RAB11FIP1: variants seen among roughly 807,000 people sequenced by gnomAD.
RAB11FIP1 encodes the protein rab11 family-interacting protein 1.
A neutral mutation model predicts 83.1 loss-of-function variants in RAB11FIP1; 49 were observed. The ratio of observed to expected loss-of-function variants is 0.59; its 90% CI spans 0.47 to 0.75. RAB11FIP1 has a LOEUF of 0.75. RAB11FIP1 is among the 30% of genes least tolerant of loss of function. The pLI is 0.00. For missense variants in RAB11FIP1, 1,536 were observed against 1,598.7 expected, an observed-to-expected ratio of 0.96 and a Z score of 0.67; for synonymous variants, 670 against 656.0, an observed-to-expected ratio of 1.02 and a Z score of -0.33.
At chr8:37,876,741 A>G (rs982509967) in intron 2 of RAB11FIP1, among the ~76,000 whole-genome samples, 1 of 151,686 alleles carries the variant, frequency 6.6e-6, no homozygotes, top group Non-Finnish European at 1.5e-5. Context: ...CCTGAGCTCA[A>G]GCAATCCTCC....
At chr8:37,881,796 A>T (rs2130171700) in intron 1 of RAB11FIP1, among the ~76,000 whole-genome samples, 1 of 152,258 alleles carries the variant, frequency 6.6e-6, no homozygotes, top group East Asian at 1.9e-4. Flanking sequence ...TCCTGGGCTC[A>T]AGTGGAAAAT....
chr8:37,890,500 A>T (rs1450066700), intron 1 of RAB11FIP1, among the ~76,000 whole-genome samples: 3 of 152,202 alleles, frequency 2.0e-5, no homozygotes, highest in African/African-American at 7.2e-5. Flanking sequence ...AACACCCTGG[A>T]GACTAAAGCC....
chr8:37,897,002 C>T (rs1236432834), intron 1 of RAB11FIP1, among the ~76,000 whole-genome samples: 1 of 152,074 alleles, frequency 6.6e-6, no homozygotes, highest in Non-Finnish European at 1.5e-5. Flanking sequence ...CAACGGATGG[C>T]CAACAGCACC....
chr8:37,881,760 G>A (rs946544412), intron 1 of RAB11FIP1, among the ~76,000 whole-genome samples: 5 of 151,928 alleles, frequency 3.3e-5, no homozygotes, highest in East Asian at 3.9e-4. Flanking sequence ...GCAGTGGTGC[G>A]ATCATAGCTC....
intron 1 of RAB11FIP1, among the ~76,000 whole-genome samples, chr8:37,887,643 G>A (rs1354536195): frequency 6.6e-6 from 1 of 151,884 alleles, no homozygotes; most frequent in African/African-American, 2.4e-5. Flanking sequence ...ACTAGCAGCT[G>A]AGAAACCTTA....
At chr8:37,897,337 G>A (rs1232319679) in intron 1 of RAB11FIP1, among the ~76,000 whole-genome samples, 1 of 151,198 alleles carries the variant, frequency 6.6e-6, no homozygotes, top group Non-Finnish European at 1.5e-5. Context: ...CCCACAGAAG[G>A]GAAAGTTAAA....
chr8:37,874,972 A>G lies in RAB11FIP1; in HGVS notation c.1165T>C (p.Ser389Pro). ...GACGGCAGGGTCATAGACTTCAAGG[A>G]GTCCTTGGTGGAAGATTCGGAGAGC... Reference protein sequence around the residue: ...RQLSESSTKDSLKSMTLPSYR... With the variant: ...RQLSESSTKDPLKSMTLPSYR... The change falls in exon 3 of 6, where the codon TCC becomes CCC. Residue 389 changes from serine (S) to proline (P), a missense_variant. Coordinates refer to ENST00000330843, the MANE Select transcript of RAB11FIP1 (RefSeq NM_001002814.3). 1 of 1,614,130 alleles carries G rather than the reference A, an allele frequency of 6.2e-7. No homozygotes were observed. The highest frequency in any genetic ancestry group is 8.5e-7 in the Non-Finnish European group (1 of 1,180,028).
At position 37,881,565 on chromosome 8, in the gene RAB11FIP1, A is replaced by G. The variant is rs528129925; in HGVS notation, c.372-4014T>C. 2.0e-5 allele frequency among the ~76,000 whole-genome samples: 3 copies of G among 152,362 alleles called. No individual in the cohort carries two copies. The South Asian group carries it at 6.2e-4, about 32-fold the overall frequency. On this transcript the variant is annotated intron_variant, in intron 1 of 5. Transcript: ENST00000330843. ...AACTTAAAATGAATTCACAAAATAC[A>G]GCAAGGAGAGGATAAAATTATATGA... is the stretch of plus-strand genomic sequence containing the variant.
chr8:37,880,375 T>G (rs890605100), intron 1 of RAB11FIP1, among the ~76,000 whole-genome samples: 1 of 152,082 alleles, frequency 6.6e-6, no homozygotes, highest in African/African-American at 2.4e-5. Context: ...CTCGGCTCAC[T>G]GCAACCTCCG....
Position 37,873,135 on chromosome 8 carries a change from G to C in RAB11FIP1, c.1667C>G (p.Ser556Cys), listed in dbSNP as rs750045021. ...AAGAGAGGAAGGGGAGTCAGTAGGG[G>C]AAGGAAGCCTGGCTGTGGGTTGCGC... ...PEAQPTARLP[S>C]PTDSPSSLPP... The change falls in exon 4 of 6, where the codon TCC becomes TGC. Residue 556 changes from serine to cysteine, a missense_variant. Ser to Cys is a moderately radical substitution (Grantham distance 112, BLOSUM62 -1). Coordinates refer to ENST00000330843, the MANE Select transcript of RAB11FIP1 (RefSeq NM_001002814.3). 2 of 1,609,872 alleles carry C rather than the reference G, an allele frequency of 1.2e-6. No individual in the cohort carries two copies. Among genetic ancestry groups the C allele is most frequent in the East Asian group, 4.5e-5 (2 of 44,860 alleles).
At chr8:37,895,988 T>C (rs1807081019) in intron 1 of RAB11FIP1, among the ~76,000 whole-genome samples, 1 of 152,164 alleles carries the variant, frequency 6.6e-6, no homozygotes, top group Non-Finnish European at 1.5e-5. Context: ...AAATGACTTT[T>C]CTAGCACACC....
At position 37,899,234 on chromosome 8, in the gene RAB11FIP1, C is replaced by T. The variant is rs1807165161; in HGVS notation, c.208G>A (p.Ala70Thr). Residue 70 changes from alanine to threonine, a missense_variant, in exon 1 of 6, where the codon GCC becomes ACC. Coordinates refer to ENST00000330843, the MANE Select transcript of RAB11FIP1 (RefSeq NM_001002814.3). The surrounding 1 kb of genome is among the most constrained non-coding windows in gnomAD (Gnocchi z 4.5). ...SLGAPVWREE[A>T]TFELPSLLSS... ...AGCAGCGATGGCAGCTCGAAGGTGGCCTCCTCGCGCCACACGGGCGCGCCC... is the reference window on the plus strand; with the variant it reads ...AGCAGCGATGGCAGCTCGAAGGTGGTCTCCTCGCGCCACACGGGCGCGCCC... 1 of 1,592,432 alleles carries T rather than the reference C, an allele frequency of 6.3e-7. No homozygotes were observed. The highest frequency in any genetic ancestry group is 8.5e-7 in the Non-Finnish European group (1 of 1,173,528).
chr8:37,880,391 C>T (rs572602327), intron 1 of RAB11FIP1, among the ~76,000 whole-genome samples: 4 of 152,190 alleles, frequency 2.6e-5, no homozygotes, highest in Admixed American at 2.6e-4. Flanking sequence ...CTCCGCCTCC[C>T]GGGTTCAAGT....
intron 2 of RAB11FIP1, 54 bp downstream of exon 2, chr8:37,877,055 C>T (rs187588011): frequency 3.1e-4 from 398 of 1,277,650 alleles, no homozygotes; most frequent in Admixed American, 1.3e-3. Context: ...TCTCTCAGAA[C>T]GAAGCATGGT....
rs1807073997 is a variant in RAB11FIP1 at position 37,895,619 on chromosome 8, A to G, written c.371+3452T>C. On this transcript the variant is annotated intron_variant, in intron 1 of 5. Coordinates refer to ENST00000330843, the MANE Select transcript of RAB11FIP1 (RefSeq NM_001002814.3). ...GTAAGTGCAAAGTCAATTCATTTCA[A>G]TTTTTCCTAATGGGCCACACATTCT... 2.0e-5 allele frequency among the ~76,000 whole-genome samples: 3 copies of G among 151,642 alleles called. No homozygotes were observed. In the South Asian group the frequency reaches 6.2e-4, roughly 32 times the overall value.
chr8:37,885,505 C>T (rs1229822865), intron 1 of RAB11FIP1, among the ~76,000 whole-genome samples: 1 of 152,156 alleles, frequency 6.6e-6, no homozygotes, highest in Non-Finnish European at 1.5e-5. Flanking sequence ...TCCAAATAGG[C>T]TACCCTGCAG....
chr8:37,864,671 CCAA>C (rs1806306782), intron 5 of RAB11FIP1, among the ~76,000 whole-genome samples: 2 of 152,186 alleles, frequency 1.3e-5, no homozygotes, highest in African/African-American at 4.8e-5. Flanking sequence ...ACACACAACA[CCAA>C]CGTTTCCATA....
chr8:37,871,167 G>A, intron 4 of RAB11FIP1, 111 bp downstream of exon 4: 2 of 1,398,018 alleles, frequency 1.4e-6, no homozygotes, highest in Non-Finnish European at 9.6e-7. Flanking sequence ...ACAGTGACAG[G>A]TGGGTTGTCA....
intron 3 of RAB11FIP1, 137 bp from the exon 4 acceptor site, chr8:37,873,316 G>T: frequency 9.8e-7 from 1 of 1,017,332 alleles, no homozygotes; most frequent in Non-Finnish European, 1.4e-6. Flanking sequence ...GTTAAAAAAG[G>T]AACGCTAGCC....
Sources: allele counts gnomAD v4.1 joint callset (sites outside exome capture counted in the v4.1 genomes callset), GRCh38; gene constraint gnomAD v4.1.1; non-coding constraint Gnocchi (gnomAD v3.1); transcripts MANE v1.5; gene names NCBI Gene and HGNC (gene_info 2026-07-23, HGNC 2026-07-21).